MICAL3: variants seen among roughly 807,000 people sequenced by gnomAD.
MICAL3 encodes the protein microtubule associated monooxygenase, calponin and LIM domain containing 3.
In MICAL3, 62 loss-of-function variants were observed where a neutral mutation model predicts 207.4. The ratio of observed to expected loss-of-function variants is 0.30; its 90% confidence interval spans 0.24 to 0.37. The LOEUF is 0.37. Among genes scored for constraint, MICAL3 ranks in the 10% least tolerant of loss-of-function variants. The pLI is 1.00. For synonymous variants in MICAL3, 1,077 were observed against 1,069.3 expected (o/e 1.01, Z -0.14); for missense variants, 2,368 against 2,635.6 (o/e 0.90, Z 2.22).
chr22:17,816,354 G>C (rs1466078941), intron 27 of MICAL3, among the ~76,000 whole-genome samples: 1 of 152,228 alleles, frequency 6.6e-6, no homozygotes, highest in Admixed American at 6.5e-5. Flanking sequence ...CCCTGGGGCT[G>C]GTGGGCTGCT....
intron 19 of MICAL3, chr22:17,863,424 T>C (rs1468317857): frequency 9.1e-6 from 9 of 985,290 alleles, no homozygotes; most frequent in African/African-American, 1.7e-5. Context: ...TAGACCCCTT[T>C]GGTTATTTTT....
chr22:17,892,074 T>C (rs147860270), intron 11 of MICAL3, among the ~76,000 whole-genome samples: 6 of 152,290 alleles, frequency 3.9e-5, no homozygotes, highest in African/African-American at 1.4e-4. Context: ...CTCCATTCTA[T>C]AGGGTGGCAC....
chr22:17,860,081 C>T (rs886066611), intron 19 of MICAL3: 3 of 718,486 alleles, frequency 4.2e-6, no homozygotes, highest in Non-Finnish European at 5.1e-6. Context: ...AAGCTCACTC[C>T]CAAGACCTGC....
At position 17,831,922 on chromosome 22, in the gene MICAL3, T is replaced by G; in HGVS notation, c.2987A>C (p.Glu996Ala). Reference protein sequence around the residue: ...SFGPGNEEEEEEEEEYEEEEE... With the variant: ...SFGPGNEEEEAEEEEYEEEEE... ...CTCCTCTTCATATTCTTCCTCCTCC[T>G]CCTCCTCCTCTTCATTCCCAGGCCC... The change falls in exon 21 of 32, where the codon GAG (glutamate) becomes GCG (alanine). Residue 996 changes from glutamate (E) to alanine (A), a missense_variant. Glu to Ala is a moderately radical substitution (Grantham distance 107). Transcript: ENST00000441493. The G allele has an allele frequency of 6.4e-7, 1 of 1,564,782 alleles. No individual in the cohort carries two copies. Among genetic ancestry groups the G allele is most frequent in the Non-Finnish European group, 8.7e-7 (1 of 1,154,396 alleles).
At chr22:17,856,980 A>T (rs906779462) in intron 19 of MICAL3, among the ~76,000 whole-genome samples, 2 of 152,144 alleles carry the variant, frequency 1.3e-5, no homozygotes, top group African/African-American at 4.8e-5. Context: ...AAATGATAGG[A>T]AAGAAATTTT....
intron 1 of MICAL3, among the ~76,000 whole-genome samples, chr22:17,969,975 C>CT (rs1324544574): frequency 2.0e-5 from 3 of 152,228 alleles, no homozygotes; most frequent in African/African-American, 7.2e-5. Context: ...GAAGGGCACT[C>CT]TGAGGCCACA....
rs1360014666 is a variant in MICAL3, at chr22:17,900,605, C to T, written c.847+237G>A. On this transcript the variant is annotated intron_variant, in intron 6 of 31. Transcript: ENST00000441493. This position sits in a 1 kb window ranked among gnomAD's most constrained non-coding sequence, Gnocchi z 4.0. ...CAACAGAGCGAGACCTTGTCTCAAA[C>T]AAAAAACAAAACCCAGAGCCGCCCA... Among the ~76,000 whole-genome samples the T allele has an allele frequency of 6.6e-6, 1 of 151,996 alleles. No homozygotes were observed. The highest frequency in any genetic ancestry group is 1.5e-5 in the Non-Finnish European group (1 of 67,982).
chr22:17,994,680 T>C (rs1922080877), intron 1 of MICAL3, among the ~76,000 whole-genome samples: 1 of 146,098 alleles, frequency 6.8e-6, no homozygotes, highest in East Asian at 2.0e-4. Context: ...CCACTCCAGC[T>C]GGGGCCACTC....
At chr22:17,869,327 AAG>A (rs1452299449) in intron 17 of MICAL3, among the ~76,000 whole-genome samples, 2 of 152,094 alleles carry the variant, frequency 1.3e-5, no homozygotes, top group Admixed American at 1.3e-4. Context: ...TAACAGAGGC[AAG>A]GAGACCAGTG....
chr22:17,860,678 G>A lies in MICAL3; in HGVS notation c.2605+4221C>T, dbSNP rs554569669. The A allele has an allele frequency of 2.1e-5, 21 of 985,436 alleles. No individual in the cohort carries two copies. In the East Asian group the frequency reaches 6.8e-4, roughly 32 times the overall value. 61.0% of individuals were successfully genotyped at this position (985,436 alleles called of 1,614,324 possible). On this transcript the variant is annotated intron_variant, in intron 19 of 31. Coordinates refer to ENST00000441493, the MANE Select transcript of MICAL3 (RefSeq NM_015241.3). ...CAGGAGACATGTGAGGCGGGTGCCC[G>A]GCTCTCCGTGGTGTCCTGGCAGCAG...
intron 23 of MICAL3, among the ~76,000 whole-genome samples, chr22:17,822,477 G>A (rs750550392): frequency 6.6e-6 from 1 of 152,202 alleles, no homozygotes; most frequent in African/African-American, 2.4e-5. Context: ...GTGTGCCTGT[G>A]GAGGGCAGGC....
chr22:17,857,775 T>G (rs1021479803), intron 19 of MICAL3, among the ~76,000 whole-genome samples: 1 of 152,200 alleles, frequency 6.6e-6, no homozygotes, highest in Non-Finnish European at 1.5e-5. Context: ...TTCCAAAACT[T>G]CCTTTCATGC....
chr22:17,798,436 G>A (rs927166730), intron 29 of MICAL3, among the ~76,000 whole-genome samples: 7 of 152,100 alleles, frequency 4.6e-5, no homozygotes, highest in Admixed American at 3.9e-4. Flanking sequence ...TGAGGATCAC[G>A]CTCCAAGGCG....
chr22:17,911,529 CAG>C (rs1029040471), intron 1 of MICAL3, among the ~76,000 whole-genome samples: 4 of 152,040 alleles, frequency 2.6e-5, no homozygotes, highest in African/African-American at 9.7e-5. Context: ...CTCATCTAAA[CAG>C]ATCTTGAAAG....
chr22:17,926,009 T>A (rs1001251912), intron 1 of MICAL3, among the ~76,000 whole-genome samples: 10 of 152,178 alleles, frequency 6.6e-5, no homozygotes, highest in African/African-American at 2.4e-4. Flanking sequence ...TTGGAAAACA[T>A]AAACGCACAG....
In MICAL3 at chr22:17,992,560, T is replaced by C. The variant is rs548798965; in HGVS notation, c.-75+31721A>G. On this transcript the variant is annotated intron_variant, in intron 1 of 31. Transcript: ENST00000441493. Reference sequence around the variant, plus strand: ...TTACATACAACAGATGCTCAATAAATGTGCTGAAAAAAGTCAGTGTGTAAA... The same window carrying C: ...TTACATACAACAGATGCTCAATAAACGTGCTGAAAAAAGTCAGTGTGTAAA... 9.9e-5 allele frequency among the ~76,000 whole-genome samples: 15 copies of C among 152,204 alleles called. No homozygotes were observed. The South Asian group carries it at 3.1e-3, about 32-fold the overall frequency.
chr22:18,014,240 T>G (rs914210721), intron 1 of MICAL3, among the ~76,000 whole-genome samples: 1 of 152,102 alleles, frequency 6.6e-6, no homozygotes, highest in Non-Finnish European at 1.5e-5. Context: ...AATTCTCCCA[T>G]CCAACATGCC....
At position 18,017,497 on chromosome 22, in the gene MICAL3, G is replaced by T. The variant is rs570613122; in HGVS notation, c.-75+6784C>A. ...CCCAAAGTGCTGGGATTACAGGCATGAGCCACCGTGCCTGGCCTAACAGAG... is the reference window on the plus strand; with the variant it reads ...CCCAAAGTGCTGGGATTACAGGCATTAGCCACCGTGCCTGGCCTAACAGAG... On this transcript the variant is annotated intron_variant, in intron 1 of 31. Transcript: ENST00000441493. Among the ~76,000 whole-genome samples, 14 of 152,058 alleles carry T rather than the reference G, an allele frequency of 9.2e-5. No individual in the cohort carries two copies. The East Asian group carries it at 1.7e-3, about 19-fold the overall frequency.
intron 22 of MICAL3, among the ~76,000 whole-genome samples, chr22:17,823,660 C>T (rs1015041428): frequency 7.9e-5 from 12 of 152,144 alleles, no homozygotes; most frequent in South Asian, 2.1e-4. Flanking sequence ...CTTTAGGCTA[C>T]GTGTACAAGG....
Sources: gnomAD v4.1 joint callset for allele counts (sites outside exome capture counted in the v4.1 genomes callset) on GRCh38, gnomAD v4.1.1 for gene constraint, Gnocchi (gnomAD v3.1) non-coding constraint, MANE v1.5 for transcripts, NCBI Gene and HGNC (gene_info 2026-07-23, HGNC 2026-07-21) for gene names.